The following PDGFC variants were observed in gnomAD, a reference collection of about 807,000 sequenced individuals.
PDGFC encodes platelet derived growth factor C.
Under a neutral mutation model 35.5 loss-of-function variants are expected in PDGFC, and 12 were observed. That is an observed-to-expected ratio of 0.34 (90% CI 0.22 to 0.55). The LOEUF (loss-of-function observed/expected upper bound fraction) is 0.55. PDGFC is among the 20% of genes least tolerant of loss of function. The pLI is 0.91. For missense variants in PDGFC, 322 were observed against 412.4 expected, an observed-to-expected ratio of 0.78 and a Z score of 1.90; for synonymous variants, 159 against 148.8, an observed-to-expected ratio of 1.07 and a Z score of -0.50.
At chr4:156,848,076 T>C (rs1333646475) in intron 2 of PDGFC, among the ~76,000 whole-genome samples, 1 of 151,436 alleles carries the variant, frequency 6.6e-6, no homozygotes, top group Non-Finnish European at 1.5e-5. Context: ...AAAGGCAAAA[T>C]TTAAATAGCC....
At chr4:156,819,605 A>T (rs368580231) in intron 2 of PDGFC, among the ~76,000 whole-genome samples, 1 of 152,178 alleles carries the variant, frequency 6.6e-6, no homozygotes, top group Non-Finnish European at 1.5e-5. Context: ...ATTACTGCTC[A>T]TTTGCAATCC....
intron 1 of PDGFC, among the ~76,000 whole-genome samples, chr4:156,935,833 T>A (rs1181803741): frequency 6.6e-6 from 1 of 152,206 alleles, no homozygotes; most frequent in Non-Finnish European, 1.5e-5. Context: ...GAGACTACAC[T>A]GTATATGCTA....
intron 2 of PDGFC, among the ~76,000 whole-genome samples, chr4:156,833,360 A>G (rs2111029891): frequency 6.6e-6 from 1 of 152,334 alleles, no homozygotes; most frequent in Non-Finnish European, 1.5e-5. Flanking sequence ...GACTATAGGA[A>G]AGTAAATGTT....
intron 1 of PDGFC, among the ~76,000 whole-genome samples, chr4:156,951,242 C>T (rs957667022): frequency 6.6e-6 from 1 of 151,804 alleles, no homozygotes; most frequent in Non-Finnish European, 1.5e-5. Context: ...AAACAACGCT[C>T]GTGATCACAA....
intron 1 of PDGFC, among the ~76,000 whole-genome samples, chr4:156,889,271 T>C (rs1730447952): frequency 6.6e-6 from 1 of 152,224 alleles, no homozygotes; most frequent in African/African-American, 2.4e-5. Flanking sequence ...ACAGGTCTGA[T>C]ATTTTCCCTG....
chr4:156,918,433 A>G (rs1296361677), intron 1 of PDGFC, among the ~76,000 whole-genome samples: 1 of 152,208 alleles, frequency 6.6e-6, no homozygotes, highest in Non-Finnish European at 1.5e-5. Flanking sequence ...ATAGCCATAG[A>G]CGATGTCCCT....
intron 1 of PDGFC, among the ~76,000 whole-genome samples, chr4:156,887,993 A>G (rs1271243346): frequency 1.4e-5 from 2 of 147,720 alleles, no homozygotes; most frequent in African/African-American, 5.0e-5. Context: ...ACAGAGTGAA[A>G]CCCCGTCTTA....
intron 1 of PDGFC, among the ~76,000 whole-genome samples, chr4:156,900,372 C>T (rs1730737450): frequency 6.6e-6 from 1 of 152,068 alleles, no homozygotes; most frequent in African/African-American, 2.4e-5. Context: ...GTTGTGTAAA[C>T]AAGAATCTCC....
intron 2 of PDGFC, among the ~76,000 whole-genome samples, chr4:156,835,205 C>G (rs565277200): frequency 6.6e-6 from 1 of 152,050 alleles, no homozygotes; most frequent in Non-Finnish European, 1.5e-5. Flanking sequence ...CACTAATCAT[C>G]AGAGAAATGC....
Position 156,826,174 on chromosome 4 carries a change from A to ATTTTTTTTTTTTTTTT in PDGFC, c.315-15173_315-15158dup, listed in dbSNP as rs59421806. 2.3e-4 allele frequency among the ~76,000 whole-genome samples: 10 copies of ATTTTTTTTTTTTTTTT among 43,790 alleles called. 2 individuals carry two copies. Among genetic ancestry groups the ATTTTTTTTTTTTTTTT allele is most frequent in the African/African-American group, 4.0e-4 (5 of 12,386 alleles). 28.7% of individuals were successfully genotyped at this position (43,790 alleles called of 152,430 possible). ...GCCACCATATCCAGCTTTGAGTTGGATTTTTTTTTTTTTTTTTTTTTTTTT... is the reference window on the plus strand; with the variant it reads ...GCCACCATATCCAGCTTTGAGTTGGATTTTTTTTTTTTTTTTTTTTTTTTTTTTTTTTTTTTTTTTT... On this transcript the variant is annotated intron_variant, in intron 2 of 5. Transcript: ENST00000502773.
chr4:156,916,499 C>T (rs1219448577), intron 1 of PDGFC, among the ~76,000 whole-genome samples: 1 of 152,176 alleles, frequency 6.6e-6, no homozygotes, highest in Non-Finnish European at 1.5e-5. Context: ...TGTCACATAC[C>T]TTACTAGGCC....
At chr4:156,872,269 T>A (rs1445769416) in intron 1 of PDGFC, among the ~76,000 whole-genome samples, 1 of 152,174 alleles carries the variant, frequency 6.6e-6, no homozygotes, top group Non-Finnish European at 1.5e-5. Flanking sequence ...ATGGCAAAGA[T>A]GTGGATTTCT....
At position 156,955,662 on chromosome 4, in the gene PDGFC, A is replaced by G. The variant is rs115383284; in HGVS notation, c.118+15124T>C. On this transcript the variant is annotated intron_variant, in intron 1 of 5. Coordinates refer to ENST00000502773, the MANE Select transcript of PDGFC (RefSeq NM_016205.3). ...GATCTGTTATAGGTGTAAGAATACAAGCATAAACAAAAAGACACACCCTTA... is the reference window on the plus strand; with the variant it reads ...GATCTGTTATAGGTGTAAGAATACAGGCATAAACAAAAAGACACACCCTTA... Among the ~76,000 whole-genome samples the G allele has an allele frequency of 5.5e-3, 836 of 152,138 alleles. 8 individuals are homozygous for G. The highest frequency in any genetic ancestry group is 0.019 in the African/African-American group (789 of 41,562).
Position 156,769,042 on chromosome 4 carries a change from C to G in PDGFC, c.704-1052G>C, listed in dbSNP as rs532471208. On this transcript the variant is annotated intron_variant, in intron 4 of 5. Coordinates refer to ENST00000502773, the MANE Select transcript of PDGFC (RefSeq NM_016205.3). ...TTCCCCTAGAAATATTCAAATAAAGCAATTCCAATGAGATTGAATACTTTC... is the reference window on the plus strand; with the variant it reads ...TTCCCCTAGAAATATTCAAATAAAGGAATTCCAATGAGATTGAATACTTTC... 1.1e-3 allele frequency among the ~76,000 whole-genome samples: 161 copies of G among 151,880 alleles called. 1 individual carries two copies. The highest frequency in any genetic ancestry group is 3.7e-3 in the African/African-American group (154 of 41,486).
At chr4:156,877,846 C>T (rs1271125480) in intron 1 of PDGFC, among the ~76,000 whole-genome samples, 1 of 152,128 alleles carries the variant, frequency 6.6e-6, no homozygotes, top group East Asian at 1.9e-4. Context: ...GCTTGGTTAA[C>T]TCTATTCACT....
intron 1 of PDGFC, among the ~76,000 whole-genome samples, chr4:156,942,176 C>T (rs567347525): frequency 2.0e-5 from 3 of 151,922 alleles, no homozygotes; most frequent in Non-Finnish European, 2.9e-5. Flanking sequence ...CATACAGGAT[C>T]GTATTTACAC....
chr4:156,942,641 A>C (rs1731836642), intron 1 of PDGFC, among the ~76,000 whole-genome samples: 1 of 150,172 alleles, frequency 6.7e-6, no homozygotes, highest in Non-Finnish European at 1.5e-5. Flanking sequence ...CAGACAAAAA[A>C]AATACTGCTA....
intron 1 of PDGFC, among the ~76,000 whole-genome samples, chr4:156,907,983 A>T (rs374037878): frequency 2.6e-5 from 4 of 152,286 alleles, no homozygotes; most frequent in South Asian, 4.1e-4. Context: ...CCTGGCCAAT[A>T]TGGTGAAACC....
chr4:156,943,963 A>T (rs1270563984), intron 1 of PDGFC, among the ~76,000 whole-genome samples: 2 of 152,072 alleles, frequency 1.3e-5, no homozygotes, highest in Non-Finnish European at 2.9e-5. Flanking sequence ...GTAAGAATAA[A>T]CTCCAAGGTA....
Sources: gnomAD v4.1 joint callset for allele counts (sites outside exome capture counted in the v4.1 genomes callset) on GRCh38, gnomAD v4.1.1 for gene constraint, MANE v1.5 for transcripts, NCBI Gene and HGNC (gene_info 2026-07-23, HGNC 2026-07-21) for gene names.